SUSD1: variants seen among roughly 807,000 people sequenced by gnomAD.
SUSD1 encodes sushi domain containing 1.
SUSD1 carries 65 observed loss-of-function variants against 86.9 expected under a neutral mutation model. That is an observed-to-expected ratio of 0.75 (90% CI 0.61 to 0.92). The LOEUF is 0.92. Among genes scored for constraint, SUSD1 ranks in the 40% least tolerant of loss-of-function variants. The pLI is 0.00. For synonymous variants in SUSD1, 346 were observed against 350.0 expected, an observed-to-expected ratio of 0.99 and a Z score of 0.13; for missense variants, 850 against 929.7, an observed-to-expected ratio of 0.91 and a Z score of 1.11.
intron 15 of SUSD1, chr9:112,042,199 A>G: frequency 6.5e-7 from 1 of 1,527,584 alleles, no homozygotes; most frequent in Non-Finnish European, 8.8e-7. Context: ...ACCATGTTAA[A>G]GTTACAAGGG....
intron 5 of SUSD1, 60 bp from the exon 6 acceptor site, chr9:112,124,496 T>C: frequency 1.3e-6 from 2 of 1,488,514 alleles, no homozygotes; most frequent in Non-Finnish European, 1.8e-6. Flanking sequence ...CTACAATTCA[T>C]ATCTTTAAAA....
chr9:112,155,867 A>G (rs1260890537), intron 2 of SUSD1, among the ~76,000 whole-genome samples: 1 of 150,178 alleles, frequency 6.7e-6, no homozygotes, highest in Non-Finnish European at 1.5e-5. Flanking sequence ...GAATAAGAGG[A>G]AGAGGAAGAA....
At chr9:112,165,840 A>AAG (rs1199583726) in intron 1 of SUSD1, among the ~76,000 whole-genome samples, 260 of 141,236 alleles carry the variant, frequency 1.8e-3, no homozygotes, top group African/African-American at 6.0e-3. Context: ...AAGAGAAAGA[A>AAG]AGAAAGAGAA....
chr9:112,107,099 T>C (rs1042488528), intron 8 of SUSD1, among the ~76,000 whole-genome samples: 1 of 151,342 alleles, frequency 6.6e-6, no homozygotes, highest in Non-Finnish European at 1.5e-5. Flanking sequence ...ACCTTGTCTT[T>C]ACAAAATGAA....
intron 1 of SUSD1, among the ~76,000 whole-genome samples, chr9:112,162,686 T>C (rs1833621647): frequency 6.6e-6 from 1 of 152,230 alleles, no homozygotes; most frequent in South Asian, 2.1e-4. Context: ...GGAATGTGGC[T>C]ATGCAGTTTG....
intron 10 of SUSD1, among the ~76,000 whole-genome samples, chr9:112,086,161 TAA>T (rs1413257076): frequency 6.6e-6 from 1 of 150,534 alleles, no homozygotes. Context: ...CTACAAAAAA[TAA>T]AAAAGTTAGC....
At chr9:112,061,709 G>C (rs1332877109) in intron 13 of SUSD1, among the ~76,000 whole-genome samples, 1 of 152,052 alleles carries the variant, frequency 6.6e-6, no homozygotes, top group African/African-American at 2.4e-5. Flanking sequence ...CACATTTACT[G>C]AACTTAAATG....
At chr9:112,137,662 T>C (rs1040333795) in intron 5 of SUSD1, 4 of 151,982 alleles carry the variant, frequency 2.6e-5, no homozygotes, top group Non-Finnish European at 4.4e-5. Flanking sequence ...AGTCAGAATA[T>C]CAAAATGATT....
At chr9:112,049,350 A>G (rs1364084355) in intron 15 of SUSD1, among the ~76,000 whole-genome samples, 1 of 152,166 alleles carries the variant, frequency 6.6e-6, no homozygotes, top group African/African-American at 2.4e-5. Context: ...GAAATCACAG[A>G]CTCATAATAC....
At chr9:112,076,132 T>C (rs1286870204) in intron 12 of SUSD1, among the ~76,000 whole-genome samples, 6 of 152,200 alleles carry the variant, frequency 3.9e-5, no homozygotes, top group Non-Finnish European at 7.3e-5. Flanking sequence ...TGCTGACATG[T>C]TCCCAAATGC....
intron 11 of SUSD1, 36 bp downstream of exon 11, chr9:112,080,038 A>T (rs1251735049): frequency 7.4e-6 from 11 of 1,487,204 alleles, no homozygotes; most frequent in Non-Finnish European, 9.4e-6. Flanking sequence ...CACATAAGAC[A>T]ACCATCTATA....
intron 1 of SUSD1, among the ~76,000 whole-genome samples, chr9:112,167,477 G>A (rs1235603815): frequency 6.6e-6 from 1 of 152,176 alleles, no homozygotes; most frequent in Non-Finnish European, 1.5e-5. Context: ...GCTGTATGAA[G>A]TGTAAAGCAA....
At chr9:112,164,589 C>T (rs1052203207) in intron 1 of SUSD1, among the ~76,000 whole-genome samples, 9 of 151,260 alleles carry the variant, frequency 6.0e-5, no homozygotes, top group African/African-American at 1.7e-4. Flanking sequence ...TAAATATACA[C>T]ACCTACTATG....
intron 6 of SUSD1, among the ~76,000 whole-genome samples, chr9:112,120,825 T>A (rs1298371151): frequency 6.6e-6 from 1 of 152,240 alleles, no homozygotes; most frequent in East Asian, 1.9e-4. Flanking sequence ...CTAATTCTTA[T>A]ACCCCCATTG....
chr9:112,072,523 T>A (rs893915963), intron 12 of SUSD1, among the ~76,000 whole-genome samples: 1 of 152,124 alleles, frequency 6.6e-6, no homozygotes, highest in African/African-American at 2.4e-5. Flanking sequence ...CCTCCCCCTC[T>A]CCCAACACAC....
intron 2 of SUSD1, among the ~76,000 whole-genome samples, chr9:112,154,037 A>G (rs1452273143): frequency 1.3e-5 from 2 of 152,164 alleles, no homozygotes; most frequent in African/African-American, 4.8e-5. Flanking sequence ...CAGCTACGAC[A>G]TCTCTAGGTG....
chr9:112,056,678 T>C (rs1828465218), intron 14 of SUSD1, among the ~76,000 whole-genome samples: 1 of 152,026 alleles, frequency 6.6e-6, no homozygotes, highest in African/African-American at 2.4e-5. Flanking sequence ...ATCAATGACA[T>C]CACAGGAAAG....
chr9:112,073,155 T>C (rs1829359282), intron 12 of SUSD1, among the ~76,000 whole-genome samples: 1 of 152,218 alleles, frequency 6.6e-6, no homozygotes, highest in Non-Finnish European at 1.5e-5. Context: ...ACCTCTCTGA[T>C]AAAGTGACAA....
At chr9:112,070,579 A>G (rs1161625935) in intron 12 of SUSD1, among the ~76,000 whole-genome samples, 1 of 152,216 alleles carries the variant, frequency 6.6e-6, no homozygotes, top group Non-Finnish European at 1.5e-5. Context: ...TGGGTGTGTG[A>G]GATGGGAGAG....
Sources: gnomAD v4.1 joint callset for allele counts (sites outside exome capture counted in the v4.1 genomes callset) on GRCh38, gnomAD v4.1.1 for gene constraint, MANE v1.5 for transcripts, NCBI Gene and HGNC (gene_info 2026-07-23, HGNC 2026-07-21) for gene names.